Variants in RHOBTB1 observed in about 807,000 individuals in gnomAD.
RHOBTB1 encodes rho-related BTB domain-containing protein 1.
In RHOBTB1, 40 loss-of-function variants were observed where a neutral mutation model predicts 71.6. That is an observed-to-expected ratio of 0.56 (90% CI 0.43 to 0.73). The LOEUF (loss-of-function observed/expected upper bound fraction) is 0.73. Among genes scored for constraint, RHOBTB1 ranks in the 30% least tolerant of loss-of-function variants. The probability of loss-of-function intolerance (pLI) is 0.00; values close to 1 mark genes in which losing one functional copy is unlikely to be tolerated. For synonymous variants in RHOBTB1, 319 were observed against 334.9 expected (o/e 0.95, Z 0.52); for missense variants, 797 against 894.0 (o/e 0.89, Z 1.38).
chr10:60,892,727 C>T (rs1391303183), intron 5 of RHOBTB1, 83 bp downstream of exon 5: 3 of 1,225,692 alleles, frequency 2.4e-6, no homozygotes, highest in East Asian at 4.8e-5. Flanking sequence ...TGTTGAAGAG[C>T]AGAACACCAG....
chr10:60,918,161 C>T (rs1038490981), intron 2 of RHOBTB1, among the ~76,000 whole-genome samples: 1 of 152,080 alleles, frequency 6.6e-6, no homozygotes, highest in African/African-American at 2.4e-5. Flanking sequence ...TATACAACAC[C>T]CCTTTTCTGC....
chr10:60,871,269 T>G lies in RHOBTB1; in HGVS notation c.*213A>C. 4.2e-6 allele frequency: 2 copies of G among 479,814 alleles called. No homozygotes were observed. The highest frequency in any genetic ancestry group is 3.6e-6 in the Non-Finnish European group (1 of 275,470). 29.7% of individuals were successfully genotyped at this position (479,814 alleles called of 1,614,324 possible). A position where few individuals can be genotyped will look rare whatever the true frequency, so the allele number is the denominator to read the frequency against. On this transcript the variant is annotated 3_prime_UTR_variant, in exon 11 of 11. Coordinates refer to ENST00000337910, the MANE Select transcript of RHOBTB1 (RefSeq NM_014836.5). ...ATACATATCAGTTTAAGGAATGCAG[T>G]GAGAGTCAGCTTCCCTTTTTGTCCA...
At chr10:60,894,562 C>A (rs1455464106) in intron 4 of RHOBTB1, among the ~76,000 whole-genome samples, 1 of 152,126 alleles carries the variant, frequency 6.6e-6, no homozygotes, top group African/African-American at 2.4e-5. Flanking sequence ...CCAGTAAAGC[C>A]AAGAATGCTT....
Position 60,996,098 on chromosome 10 carries a change from T to G in RHOBTB1, c.-163+5301A>C, listed in dbSNP as rs150112917. Among the ~76,000 whole-genome samples the G allele has an allele frequency of 9.2e-5, 14 of 152,346 alleles. No individual in the cohort carries two copies. In the East Asian group the frequency reaches 2.7e-3, roughly 29 times the overall value. On this transcript the variant is annotated intron_variant, in intron 1 of 11. Transcript: ENST00000357917. The stretch of plus-strand genomic sequence containing the variant: ...AGTTGCTCACAAGTCAAAGAACTCA[T>G]AGCTCGTAAATGGAGGAGCTCTTAC...
At chr10:60,930,249 A>G (rs2084161411) in intron 2 of RHOBTB1, among the ~76,000 whole-genome samples, 1 of 152,208 alleles carries the variant, frequency 6.6e-6, no homozygotes, top group African/African-American at 2.4e-5. Flanking sequence ...TAGGCAAATT[A>G]ATCTGTCGGA....
chr10:60,932,120 G>A (rs562110433), intron 2 of RHOBTB1, among the ~76,000 whole-genome samples: 1 of 152,118 alleles, frequency 6.6e-6, no homozygotes, highest in Non-Finnish European at 1.5e-5. Context: ...ATGTATTTGT[G>A]TACCTGGAAA....
intron 4 of RHOBTB1, 153 bp downstream of exon 4, chr10:60,910,734 A>G (rs932272737): frequency 1.8e-6 from 1 of 556,098 alleles, no homozygotes. Context: ...AAACAATACC[A>G]TTTTTTTTTC....
chr10:60,997,279 A>G (rs900579364), intron 1 of RHOBTB1, among the ~76,000 whole-genome samples: 4 of 152,240 alleles, frequency 2.6e-5, no homozygotes, highest in Non-Finnish European at 5.9e-5. Context: ...TTGGATCTCA[A>G]AATGAGATCT....
intron 4 of RHOBTB1, among the ~76,000 whole-genome samples, chr10:60,903,662 GCCCC>G (rs1183473135): frequency 6.8e-5 from 3 of 44,440 alleles, no homozygotes; most frequent in African/African-American, 3.5e-4. Context: ...TGAGAAACAG[GCCCC>G]TGGGTCAGAC....
At chr10:60,933,989 A>G (rs933089204) in intron 2 of RHOBTB1, among the ~76,000 whole-genome samples, 13 of 152,208 alleles carry the variant, frequency 8.5e-5, no homozygotes, top group Admixed American at 8.5e-4. Flanking sequence ...ACAACTTTTT[A>G]TAGGATAGGA....
chr10:60,890,297 C>A (rs997280187), intron 5 of RHOBTB1, among the ~76,000 whole-genome samples: 2 of 152,040 alleles, frequency 1.3e-5, no homozygotes, highest in African/African-American at 4.8e-5. Flanking sequence ...TTTCTTCACA[C>A]CCACTCCTCA....
chr10:60,979,132 G>A (rs1396897368), intron 2 of RHOBTB1, among the ~76,000 whole-genome samples: 1 of 152,138 alleles, frequency 6.6e-6, no homozygotes, highest in Non-Finnish European at 1.5e-5. Flanking sequence ...TGTATGCTAG[G>A]AAAAGTGTGC....
rs148161407 is a variant in RHOBTB1, at chr10:60,876,638, A to G, written c.1726+1270T>C. Among the ~76,000 whole-genome samples the G allele has an allele frequency of 7.7e-3, 1,177 of 152,324 alleles. 15 individuals are homozygous for G. The highest frequency in any genetic ancestry group is 0.027 in the African/African-American group (1,116 of 41,574). ...TTCTGAAAAAAGTAATTGCCCATGG[A>G]AGCCTCCCAGAGTGAGTATTTTAAA... On this transcript the variant is annotated intron_variant, in intron 8 of 10. Transcript: ENST00000337910.
chr10:60,873,558 A>G (rs894840473), intron 9 of RHOBTB1, among the ~76,000 whole-genome samples: 2 of 152,208 alleles, frequency 1.3e-5, no homozygotes, highest in Admixed American at 6.5e-5. Flanking sequence ...CAACAAACAG[A>G]CACAACTGCA....
intron 4 of RHOBTB1, among the ~76,000 whole-genome samples, chr10:60,906,313 A>G (rs1460285952): frequency 6.6e-6 from 1 of 152,256 alleles, no homozygotes; most frequent in Non-Finnish European, 1.5e-5. Context: ...GGATGCATAT[A>G]AAGAATTAAG....
In RHOBTB1 at chr10:60,888,739, G is replaced by T. The variant is rs758375261; in HGVS notation, c.929C>A (p.Ala310Asp). 3.1e-6 allele frequency: 5 copies of T among 1,614,110 alleles called. No individual in the cohort carries two copies. The highest frequency in any genetic ancestry group is 4.5e-5 in the East Asian group (2 of 44,872). The change falls in exon 6 of 11, where the codon GCC becomes GAC. Residue 310 changes from alanine to aspartate, a missense_variant. Physicochemically the swap from Ala to Asp is moderately radical, Grantham distance 126. Transcript: ENST00000337910. ...CEESPNGSEG[A>D]CEKEKQSRDF... The stretch of plus-strand genomic sequence containing the variant: ...TCTGCTCTGCTTCTCTTTCTCACAG[G>T]CTCCTTCACTCCCATTTGGGGATTC...
intron 2 of RHOBTB1, among the ~76,000 whole-genome samples, chr10:60,950,751 C>A (rs1195265324): frequency 2.0e-5 from 3 of 152,108 alleles, no homozygotes. Flanking sequence ...ATTATGAGGC[C>A]CCTTAAACAA....
chr10:60,861,586 A>G, the RHOBTB1 span, among the ~76,000 whole-genome samples: 1 of 152,170 alleles, frequency 6.6e-6, no homozygotes, highest in Non-Finnish European at 1.5e-5. Context: ...AAGACAGGAC[A>G]GAGATCCTAA....
chr10:60,899,607 G>C (rs913261837), intron 4 of RHOBTB1, among the ~76,000 whole-genome samples: 3 of 152,166 alleles, frequency 2.0e-5, no homozygotes, highest in Non-Finnish European at 2.9e-5. Flanking sequence ...AAGGTATCAG[G>C]AATGGTCAAG....
Sources: allele counts gnomAD v4.1 joint callset (sites outside exome capture counted in the v4.1 genomes callset), GRCh38; gene constraint gnomAD v4.1.1; transcripts MANE v1.5; gene names NCBI Gene and HGNC (gene_info 2026-07-23, HGNC 2026-07-21).